The following RPS6KA4 variants were observed in gnomAD, a reference collection of about 807,000 sequenced individuals.
RPS6KA4 encodes ribosomal protein S6 kinase alpha-4.
RPS6KA4 carries 38 observed loss-of-function variants against 89.6 expected under a neutral mutation model. That is an observed-to-expected ratio of 0.42 (90% CI 0.33 to 0.56). The LOEUF (loss-of-function observed/expected upper bound fraction) is 0.56. Among genes scored for constraint, RPS6KA4 ranks in the 20% least tolerant of loss-of-function variants. RPS6KA4 has a pLI of 0.07. For synonymous variants in RPS6KA4, 495 were observed against 492.8 expected, an observed-to-expected ratio of 1.00 and a Z score of -0.06; for missense variants, 873 against 1,098.8, an observed-to-expected ratio of 0.79 and a Z score of 2.90.
At chr11:64,369,998 G>T in intron 14 of RPS6KA4, 105 bp downstream of exon 14, 1 of 1,284,872 alleles carries the variant, frequency 7.8e-7, no homozygotes, top group South Asian at 1.6e-5. Context: ...TGGTGGGGGC[G>T]GCTGGGTTTC....
In RPS6KA4 at chr11:64,372,083, C is replaced by T. The variant is rs1052934; in HGVS notation, c.*603C>T. On this transcript the variant is annotated 3_prime_UTR_variant, in exon 17 of 17. Coordinates refer to ENST00000334205, the MANE Select transcript of RPS6KA4 (RefSeq NM_003942.3). The stretch of plus-strand genomic sequence containing the variant: ...GCCATCTTCTCACCCACCCCTTCCT[C>T]TTTGGCACAGCTACTCCTGGCTGGG... 6.5e-6 allele frequency: 1 copy of T among 152,720 alleles called. No individual in the cohort carries two copies. The highest frequency in any genetic ancestry group is 2.1e-4 in the South Asian group (1 of 4,834). 9.5% of individuals were successfully genotyped at this position (152,720 alleles called of 1,614,324 possible). A position where few individuals can be genotyped will look rare whatever the true frequency, so the allele number is the denominator to read the frequency against.
intron 14 of RPS6KA4, 88 bp downstream of exon 14, chr11:64,369,981 G>C (rs537103462): frequency 5.9e-6 from 8 of 1,347,712 alleles, no homozygotes; most frequent in Non-Finnish European, 7.9e-6. Context: ...GGGGACAGGG[G>C]TCATCTTGGT....
Position 64,371,703 on chromosome 11 carries a change from G to A in RPS6KA4, c.*223G>A. 1 of 472,114 alleles carries A rather than the reference G, an allele frequency of 2.1e-6. No individual in the cohort carries two copies. The highest frequency in any genetic ancestry group is 3.1e-5 in the South Asian group (1 of 32,216). The allele number at this position is 472,114 out of a possible 1,614,324, so 29.2% of individuals were successfully genotyped here. A position where few individuals can be genotyped will look rare whatever the true frequency, so the allele number is the denominator to read the frequency against. ...GAAGGGGGGGCCTGCTGGGGAGTGG[G>A]GTTTGGGGGGCCCTCTCCCAGGACA... is the stretch of plus-strand genomic sequence containing the variant. On this transcript the variant is annotated 3_prime_UTR_variant, in exon 17 of 17. Transcript: ENST00000334205.
rs568138443 is a variant in RPS6KA4 at position 64,363,703 on chromosome 11, G to T, written c.907-1598G>T. Among the ~76,000 whole-genome samples the T allele has an allele frequency of 3.3e-5, 5 of 152,120 alleles. No homozygotes were observed. The South Asian group carries it at 1.0e-3, about 32-fold the overall frequency. On this transcript the variant is annotated intron_variant, in intron 8 of 16. Coordinates refer to ENST00000334205, the MANE Select transcript of RPS6KA4 (RefSeq NM_003942.3). The stretch of plus-strand genomic sequence containing the variant: ...GTCAGGGATTCACCATGTTGGCCAG[G>T]CTGGTCTCAAACTCCTGGTCTCGTG...
intron 2 of RPS6KA4, 53 bp from the exon 3 acceptor site, chr11:64,360,110 T>G (rs1346606127): frequency 6.7e-7 from 1 of 1,492,538 alleles, no homozygotes; most frequent in East Asian, 2.5e-5. Context: ...CCCCCAAGCC[T>G]GCACCAATCT....
chr11:64,370,259 G>A lies in RPS6KA4; in HGVS notation c.1832G>A (p.Gly611Glu). Residue 611 changes from glycine to glutamate, a missense_variant, in exon 15 of 17, where the codon GGG (glycine) becomes GAG (glutamate). Physicochemically the swap from Gly to Glu is moderately conservative, Grantham distance 98 (BLOSUM62 -2). Coordinates refer to ENST00000334205, the MANE Select transcript of RPS6KA4 (RefSeq NM_003942.3). This position sits in a 1 kb window ranked among gnomAD's most constrained non-coding sequence, Gnocchi z 4.1. ...MMLSGQVPFQ[G>E]ASGQGGQSQA... ...CTGTCGGGGCAGGTCCCCTTCCAGG[G>A]GGCCTCTGGCCAGGGCGGGCAGAGC... 3.2e-6 allele frequency: 5 copies of A among 1,575,216 alleles called. No homozygotes were observed. The highest frequency in any genetic ancestry group is 4.3e-6 in the Non-Finnish European group (5 of 1,168,104).
chr11:64,371,686 G>A lies in RPS6KA4; in HGVS notation c.*206G>A. 2 of 492,316 alleles carry A rather than the reference G, an allele frequency of 4.1e-6. No homozygotes were observed. Among genetic ancestry groups the A allele is most frequent in the South Asian group, 3.0e-5 (1 of 33,804 alleles). 30.5% of individuals were successfully genotyped at this position (492,316 alleles called of 1,614,324 possible). A position where few individuals can be genotyped will look rare whatever the true frequency, so the allele number is the denominator to read the frequency against. On this transcript the variant is annotated 3_prime_UTR_variant, in exon 17 of 17. Transcript: ENST00000334205. ...CCAGATAGAGTTGCAGGGAAGGGGG[G>A]GCCTGCTGGGGAGTGGGGTTTGGGG...
rs946398943 is a variant in RPS6KA4 at position 64,371,591 on chromosome 11, C to G, written c.*111C>G. The G allele has an allele frequency of 1.7e-6, 1 of 585,540 alleles. No homozygotes were observed. The allele number at this position is 585,540 out of a possible 1,614,324, so 36.3% of individuals were successfully genotyped here. On this transcript the variant is annotated 3_prime_UTR_variant, in exon 17 of 17. Coordinates refer to ENST00000334205, the MANE Select transcript of RPS6KA4 (RefSeq NM_003942.3). ...CTGATCCCCAAGGGACTGTCCTTTC[C>G]TCTCCTACCCCACCCCACTCCCAGA... is the stretch of plus-strand genomic sequence containing the variant.
At chr11:64,368,667 G>C in intron 11 of RPS6KA4, 37 bp from the exon 12 acceptor site, 1 of 1,573,262 alleles carries the variant, frequency 6.4e-7, no homozygotes, top group Middle Eastern at 1.7e-4. Flanking sequence ...CGGGGCCGAA[G>C]CGCGGCGACC....
chr11:64,370,833 C>T lies in RPS6KA4; in HGVS notation c.2121+107C>T, dbSNP rs1429817349. 49 of 1,340,978 alleles carry T rather than the reference C, an allele frequency of 3.7e-5. No homozygotes were observed. Among genetic ancestry groups the T allele is most frequent in the Admixed American group, 5.7e-5 (2 of 34,998 alleles). 83.1% of individuals were successfully genotyped at this position (1,340,978 alleles called of 1,614,324 possible). On this transcript the variant is annotated intron_variant, in intron 16 of 16. Coordinates refer to ENST00000334205, the MANE Select transcript of RPS6KA4 (RefSeq NM_003942.3). This position sits in a 1 kb window ranked among gnomAD's most constrained non-coding sequence, Gnocchi z 4.1. Reference sequence around the variant, plus strand: ...CAGAAAGGCGAGGTGAGGCCGGGCGCGGTGGCTCACGCCTGTAATCCCAGC... The same window carrying T: ...CAGAAAGGCGAGGTGAGGCCGGGCGTGGTGGCTCACGCCTGTAATCCCAGC...
At position 64,361,693 on chromosome 11, in the gene RPS6KA4, G is replaced by C. The variant is rs905501710; in HGVS notation, c.703G>C (p.Ala235Pro). 6.2e-7 allele frequency: 1 copy of C among 1,612,098 alleles called. No homozygotes were observed. Among genetic ancestry groups the C allele is most frequent in the Non-Finnish European group, 8.5e-7 (1 of 1,179,698 alleles). Residue 235 changes from alanine (A) to proline (P), a missense_variant, in exon 7 of 17, where the codon GCC (alanine) becomes CCC (proline). Ala to Pro is a conservative substitution (Grantham distance 27, BLOSUM62 -1). Coordinates refer to ENST00000334205, the MANE Select transcript of RPS6KA4 (RefSeq NM_003942.3). This position sits in a 1 kb window ranked among gnomAD's most constrained non-coding sequence, Gnocchi z 4.7. ...GILLFELLTG[A>P]SPFTLEGERN... Reference sequence around the variant, plus strand: ...CTTGCTCTTCGAGCTGCTGACGGGGGCCTCGCCCTTCACCCTGGAGGGCGA... The same window carrying C: ...CTTGCTCTTCGAGCTGCTGACGGGGCCCTCGCCCTTCACCCTGGAGGGCGA...
chr11:64,365,424 C>A lies in RPS6KA4; in HGVS notation c.1030C>A (p.Pro344Thr). 6.2e-7 allele frequency: 1 copy of A among 1,614,034 alleles called. No individual in the cohort carries two copies. The highest frequency in any genetic ancestry group is 1.6e-4 in the Middle Eastern group (1 of 6,062). ...CACTCGGCTGGAGCCTGTCTACTCA[C>A]CCCCTGGCAGCCCCCCACCTGGGGA... ...EFTRLEPVYSPPGSPPPGDPR... is the reference protein window; with the variant it reads ...EFTRLEPVYSTPGSPPPGDPR... The change falls in exon 9 of 17, where the codon CCC (proline) becomes ACC (threonine). Residue 344 changes from proline (P) to threonine (T), a missense_variant. Coordinates refer to ENST00000334205, the MANE Select transcript of RPS6KA4 (RefSeq NM_003942.3).
At position 64,360,311 on chromosome 11, in the gene RPS6KA4, G is replaced by A. The variant is rs373776894; in HGVS notation, c.276G>A (p.Val92=). ...TRTERSVLEL[V]RQAPFLVTLH... is the part of the protein sequence containing the mutation. ...CCGAGCGCTCGGTGCTGGAGCTGGT[G>A]CGCCAGGCGCCCTTCCTGGTCACGC... is the stretch of plus-strand genomic sequence containing the variant. The change falls in exon 3 of 17, where the codon GTG becomes GTA. Residue 92 remains valine (V), a synonymous_variant. Coordinates refer to ENST00000334205, the MANE Select transcript of RPS6KA4 (RefSeq NM_003942.3). 4.6e-5 allele frequency: 71 copies of A among 1,548,726 alleles called. No homozygotes were observed. The South Asian group carries it at 6.9e-4, about 15-fold the overall frequency.
chr11:64,365,301 G>T lies in RPS6KA4; in HGVS notation c.907G>T (p.Gly303Cys). The T allele has an allele frequency of 6.2e-7, 1 of 1,612,378 alleles. No individual in the cohort carries two copies. The highest frequency in any genetic ancestry group is 8.5e-7 in the Non-Finnish European group (1 of 1,178,946). The change falls in exon 9 of 17, where the codon GGC becomes TGC. Residue 303 changes from glycine (G) to cysteine (C), a missense_variant and splice_region_variant. Gly to Cys is a radical substitution (Grantham distance 159). Transcript: ENST00000334205. ...CTGACCTCTGATTCCCTTCCCTCAG[G>T]GCCTCGATTGGGTGGCTCTGGCTGC... ...QEVRNHPFFQ[G>C]LDWVALAARK...
rs2037070606 is a variant in RPS6KA4, at chr11:64,371,418, C to A, written c.2257C>A (p.Arg753=). 6.2e-7 allele frequency: 1 copy of A among 1,607,792 alleles called. No homozygotes were observed. Among genetic ancestry groups the A allele is most frequent in the South Asian group, 1.1e-5 (1 of 90,808 alleles). The change falls in exon 17 of 17, where the codon CGA becomes AGA. Residue 753 remains arginine, a synonymous_variant. Coordinates refer to ENST00000334205, the MANE Select transcript of RPS6KA4 (RefSeq NM_003942.3). ...CTCCCCTGCACCAGCCAACCCGGGCCGAGCCCCCGTCGCCTCCAAAGGGGC... is the reference window on the plus strand; with the variant it reads ...CTCCCCTGCACCAGCCAACCCGGGCAGAGCCCCCGTCGCCTCCAAAGGGGC... The part of the protein sequence containing the change: ...RGSPAPANPG[R]APVASKGAPR...
At chr11:64,362,060 C>G in intron 8 of RPS6KA4, 58 bp downstream of exon 8, 1 of 1,551,654 alleles carries the variant, frequency 6.4e-7, no homozygotes, top group South Asian at 1.2e-5. Context: ...GGCTGCTGTT[C>G]CAGGTTGAGG....
chr11:64,360,486 G>A lies in RPS6KA4; in HGVS notation c.356G>A (p.Ser119Asn), dbSNP rs1202551847. 1.2e-6 allele frequency: 2 copies of A among 1,608,882 alleles called. No homozygotes were observed. The highest frequency in any genetic ancestry group is 1.7e-6 in the Non-Finnish European group (2 of 1,176,810). ...CCACTGCACCTCCCAGACTATGTGA[G>A]CGGCGGGGAGATGTTCACCCACCTC... The part of the protein sequence containing the change: ...AKLHLILDYV[S>N]GGEMFTHLYQ... The change falls in exon 4 of 17, where the codon AGC becomes AAC. Residue 119 changes from serine to asparagine, a missense_variant. Transcript: ENST00000334205.
At position 64,361,772 on chromosome 11, in the gene RPS6KA4, G is replaced by A; in HGVS notation, c.755+27G>A. 6.3e-7 allele frequency: 1 copy of A among 1,588,858 alleles called. No individual in the cohort carries two copies. Among genetic ancestry groups the A allele is most frequent in the South Asian group, 1.1e-5 (1 of 89,264 alleles). Reference sequence around the variant, plus strand: ...TGAGTAGGGCTGGACGTGGAGGGCGGCCAGAGGGCTGCAGGGCCTGCCTGG... The same window carrying A: ...TGAGTAGGGCTGGACGTGGAGGGCGACCAGAGGGCTGCAGGGCCTGCCTGG... On this transcript the variant is annotated intron_variant, in intron 7 of 16. Transcript: ENST00000334205. The surrounding 1 kb of genome is among the most constrained non-coding windows in gnomAD (Gnocchi z 4.7).
chr11:64,369,424 T>C, intron 12 of RPS6KA4, 22 bp from the exon 13 acceptor site: 1 of 1,564,768 alleles, frequency 6.4e-7, no homozygotes, highest in Admixed American at 1.8e-5. Flanking sequence ...GTGTTGACCT[T>C]GGCCCGCCAC....
Sources: allele counts gnomAD v4.1 joint callset (sites outside exome capture counted in the v4.1 genomes callset), GRCh38; gene constraint gnomAD v4.1.1; non-coding constraint Gnocchi (gnomAD v3.1); transcripts MANE v1.5; gene names NCBI Gene and HGNC (gene_info 2026-07-23, HGNC 2026-07-21).